Variants in PCSK6 observed in about 807,000 individuals in gnomAD.
PCSK6 encodes the protein proprotein convertase subtilisin/kexin type 6.
In PCSK6, 85 loss-of-function variants were observed where a neutral mutation model predicts 123.3. The observed-to-expected ratio is 0.69, with a 90% confidence interval of 0.58 to 0.83. The LOEUF (loss-of-function observed/expected upper bound fraction) is 0.83, where lower values mean the gene tolerates loss of function less well. Among genes scored for constraint, PCSK6 ranks in the 40% least tolerant of loss-of-function variants. PCSK6 has a pLI of 0.00. For synonymous variants in PCSK6, 508 were observed against 516.0 expected (o/e 0.98, Z 0.21); for missense variants, 1,191 against 1,282.3 (o/e 0.93, Z 1.09).
chr15:101,403,092 T>TA (rs1596296765), intron 6 of PCSK6, among the ~76,000 whole-genome samples: 1 of 151,796 alleles, frequency 6.6e-6, no homozygotes. Context: ...TATGCAGCCA[T>TA]AAAAAATGAT....
rs778468256 is a variant in PCSK6, at chr15:101,318,322, C to A, written c.2566G>T (p.Val856Leu). The stretch of plus-strand genomic sequence containing the variant: ...CCTCCGCAGGCGGTGAACTCACCCA[C>A]GCAGGTTCCGCAGGTGTGATGGCAT... The part of the protein sequence containing the change: ...GECHHTCGTC[V>L]GPGREECIHC... The change falls in exon 19 of 22, where the codon GTG (valine) becomes TTG (leucine). Residue 856 changes from valine to leucine, a missense_variant. Coordinates refer to ENST00000611716, the MANE Select transcript of PCSK6 (RefSeq NM_002570.5). 3 of 1,555,196 alleles carry A rather than the reference C, an allele frequency of 1.9e-6. No individual in the cohort carries two copies. Among genetic ancestry groups the A allele is most frequent in the East Asian group, 2.4e-5 (1 of 41,184 alleles).
chr15:101,371,668 G>A (rs2041590728), intron 11 of PCSK6, among the ~76,000 whole-genome samples: 1 of 152,224 alleles, frequency 6.6e-6, no homozygotes, highest in Non-Finnish European at 1.5e-5. Flanking sequence ...AATGCGGGGA[G>A]GAGCTGGGAT....
At chr15:101,323,317 C>G (rs1417648193) in intron 17 of PCSK6, among the ~76,000 whole-genome samples, 1 of 152,184 alleles carries the variant, frequency 6.6e-6, no homozygotes, top group African/African-American at 2.4e-5. Context: ...CAACTGTGCC[C>G]TTGGGAAGGG....
At chr15:101,358,780 G>A (rs1401842063) in intron 13 of PCSK6, among the ~76,000 whole-genome samples, 1 of 152,196 alleles carries the variant, frequency 6.6e-6, no homozygotes, top group Non-Finnish European at 1.5e-5. Flanking sequence ...GAGCCCCTCT[G>A]ACCCCTTTTG....
intron 1 of PCSK6, among the ~76,000 whole-genome samples, chr15:101,473,775 G>C (rs1043658894): frequency 8.5e-5 from 13 of 152,206 alleles, no homozygotes; most frequent in Non-Finnish European, 1.3e-4. Flanking sequence ...CTAATAGAGA[G>C]GCTGAGGCAG....
chr15:101,429,918 C>T, intron 5 of PCSK6, 69 bp downstream of exon 5: 2 of 1,343,676 alleles, frequency 1.5e-6, no homozygotes, highest in Non-Finnish European at 2.1e-6. Context: ...AGCTCCCTCG[C>T]ACACACATTC....
At position 101,305,672 on chromosome 15, in the gene PCSK6, C is replaced by A; in HGVS notation, c.2813-317G>T. 3 of 230,970 alleles carry A rather than the reference C, an allele frequency of 1.3e-5. No homozygotes were observed. The highest frequency in any genetic ancestry group is 2.6e-5 in the Non-Finnish European group (3 of 116,636). 14.3% of individuals were successfully genotyped at this position (230,970 alleles called of 1,614,324 possible). On this transcript the variant is annotated intron_variant, in intron 21 of 21. Coordinates refer to ENST00000611716, the MANE Select transcript of PCSK6 (RefSeq NM_002570.5). This position sits in a 1 kb window ranked among gnomAD's most constrained non-coding sequence, Gnocchi z 4.8. ...GCAGTGAGCTGAGATCATGCCACTG[C>A]ACTCCAGCCTGGGCAAGAAGAACAA...
intron 1 of PCSK6, among the ~76,000 whole-genome samples, chr15:101,477,286 TA>T (rs1221416989): frequency 6.6e-6 from 1 of 152,132 alleles, no homozygotes; most frequent in Non-Finnish European, 1.5e-5. Flanking sequence ...TGTGCATGCA[TA>T]CCTACACAGG....
chr15:101,318,417 G>C lies in PCSK6; in HGVS notation c.2471C>G (p.Ala824Gly), dbSNP rs755037285. The C allele has an allele frequency of 1.9e-6, 3 of 1,556,530 alleles. No homozygotes were observed. The highest frequency in any genetic ancestry group is 2.6e-6 in the Non-Finnish European group (3 of 1,149,892). ...CTVCKEGFSL[A>G]RGSCIPDCEP... ...ACAGTCAGGAATGCAGCTGCCCCGT[G>C]CAAGGCTGTTGAAAAGAAAGAGGCA... is the stretch of plus-strand genomic sequence containing the variant. Residue 824 changes from alanine (A) to glycine (G), a missense_variant, in exon 19 of 22, where the codon GCA (alanine) becomes GGA (glycine). Ala to Gly is a moderately conservative substitution (Grantham distance 60, BLOSUM62 0). Coordinates refer to ENST00000611716, the MANE Select transcript of PCSK6 (RefSeq NM_002570.5).
chr15:101,438,108 C>T (rs909133936), intron 2 of PCSK6, among the ~76,000 whole-genome samples: 43 of 152,196 alleles, frequency 2.8e-4, no homozygotes, highest in Non-Finnish European at 4.4e-5. Flanking sequence ...GTCTTCCAAC[C>T]TTCCTAAGTG....
intron 5 of PCSK6, among the ~76,000 whole-genome samples, chr15:101,428,216 C>A (rs770396086): frequency 3.3e-5 from 5 of 152,114 alleles, no homozygotes; most frequent in Admixed American, 3.3e-4. Context: ...CGCATGGTCA[C>A]CTCTTCCAGC....
chr15:101,431,498 T>C (rs1224204048), intron 3 of PCSK6, 35 bp from the exon 4 acceptor site: 2 of 1,612,600 alleles, frequency 1.2e-6, no homozygotes, highest in Non-Finnish European at 1.7e-6. Context: ...CCCCCCGACA[T>C]GGACATTCCA....
At chr15:101,339,604 T>C (rs2040554379) in intron 13 of PCSK6, among the ~76,000 whole-genome samples, 1 of 152,184 alleles carries the variant, frequency 6.6e-6, no homozygotes. Flanking sequence ...AATAAAGCTA[T>C]TATTAAAAAT....
chr15:101,342,523 T>C (rs1407820561), intron 13 of PCSK6, among the ~76,000 whole-genome samples: 1 of 152,248 alleles, frequency 6.6e-6, no homozygotes, highest in Non-Finnish European at 1.5e-5. Flanking sequence ...ATATTGGGCT[T>C]AGAATTTTTG....
chr15:101,412,314 AAGAC>A, intron 6 of PCSK6, among the ~76,000 whole-genome samples: 1 of 152,346 alleles, frequency 6.6e-6, no homozygotes, highest in African/African-American at 2.4e-5. Context: ...CAAATGCATA[AAGAC>A]AGACAATCAC....
intron 1 of PCSK6, among the ~76,000 whole-genome samples, chr15:101,445,505 T>C (rs1370692330): frequency 6.6e-6 from 1 of 152,224 alleles, no homozygotes; most frequent in Non-Finnish European, 1.5e-5. Flanking sequence ...TTCTGCCCTA[T>C]TTTGCTCACA....
At chr15:101,386,666 C>T (rs539361437) in intron 9 of PCSK6, among the ~76,000 whole-genome samples, 1 of 152,334 alleles carries the variant, frequency 6.6e-6, no homozygotes, top group Admixed American at 6.5e-5. Flanking sequence ...TAATCTGTAT[C>T]CGAATCTCCT....
chr15:101,464,211 T>C (rs537396392), intron 1 of PCSK6, among the ~76,000 whole-genome samples: 1 of 151,972 alleles, frequency 6.6e-6, no homozygotes, highest in Non-Finnish European at 1.5e-5. Context: ...CTCACCCACA[T>C]CCTGCGCCAC....
chr15:101,331,961 A>T lies in PCSK6; in HGVS notation c.1929T>A (p.His643Gln), dbSNP rs765518047. 6.2e-7 allele frequency: 1 copy of T among 1,613,704 alleles called. No homozygotes were observed. Among genetic ancestry groups the T allele is most frequent in the Non-Finnish European group, 8.5e-7 (1 of 1,179,830 alleles). The stretch of plus-strand genomic sequence containing the variant: ...GCTCCAGCATCCGCGAGCGGGACTG[A>T]TGGGCACTGAAGGTGTGGTACGGGT... ...AEHPYHTFSA[H>Q]QSRSRMLELS... The change falls in exon 14 of 22, where the codon CAT becomes CAA. Residue 643 changes from histidine (H) to glutamine (Q), a missense_variant. His to Gln is a conservative substitution (Grantham distance 24). Around this residue, in one of 3 missense-constraint regions of PCSK6, gnomAD observed 630 missense variants for 631.4 expected, o/e 1.00. Transcript: ENST00000611716.
Sources: gnomAD v4.1 joint callset for allele counts (sites outside exome capture counted in the v4.1 genomes callset) on GRCh38, gnomAD v4.1.1 for gene constraint, gnomAD v4.1.1 regional missense constraint, Gnocchi (gnomAD v3.1) non-coding constraint, MANE v1.5 for transcripts, NCBI Gene and HGNC (gene_info 2026-07-23, HGNC 2026-07-21) for gene names.